The following ADAMTS17 variants were observed in gnomAD, a reference collection of about 807,000 sequenced individuals.
ADAMTS17 encodes the protein ADAM metallopeptidase with thrombospondin type 1 motif 17.
A neutral mutation model predicts 141.5 loss-of-function variants in ADAMTS17; 113 were observed. The observed-to-expected ratio is 0.80, with a 90% CI of 0.69 to 0.93. ADAMTS17 has a LOEUF of 0.93. ADAMTS17 is among the 40% of genes least tolerant of loss of function. ADAMTS17 has a pLI of 0.00. For missense variants in ADAMTS17, 1,659 were observed against 1,517.9 expected (o/e 1.09, Z -1.54); for synonymous variants, 768 against 630.6 (o/e 1.22, Z -3.27).
chr15:100,182,198 C>T (rs1350878013), intron 8 of ADAMTS17, among the ~76,000 whole-genome samples: 1 of 152,188 alleles, frequency 6.6e-6, no homozygotes, highest in East Asian at 1.9e-4. Flanking sequence ...AGGAAACTTA[C>T]AATCATGGCC....
intron 7 of ADAMTS17, among the ~76,000 whole-genome samples, chr15:100,217,371 C>T (rs531831949): frequency 1.4e-4 from 22 of 152,190 alleles, no homozygotes; most frequent in Non-Finnish European, 7.4e-5. Context: ...ACAAGGCAGG[C>T]GGACCACCTG....
chr15:100,238,330 GTACTTAC>G (rs2042722419), intron 7 of ADAMTS17, among the ~76,000 whole-genome samples: 1 of 152,202 alleles, frequency 6.6e-6, no homozygotes, highest in Admixed American at 6.5e-5. Flanking sequence ...ACTCTAGAGT[GTACTTAC>G]TGACTTCACA....
At chr15:100,312,518 T>G (rs1166151194) in intron 3 of ADAMTS17, among the ~76,000 whole-genome samples, 3 of 152,242 alleles carry the variant, frequency 2.0e-5, no homozygotes, top group Non-Finnish European at 4.4e-5. Flanking sequence ...TTTACAACAC[T>G]AAGTTTGTGG....
At position 100,096,460 on chromosome 15, in the gene ADAMTS17, C is replaced by T. The variant is rs777693760; in HGVS notation, c.2033G>A (p.Gly678Asp). 1.2e-6 allele frequency: 2 copies of T among 1,614,130 alleles called. No homozygotes were observed. Among genetic ancestry groups the T allele is most frequent in the Non-Finnish European group, 1.7e-6 (2 of 1,180,032 alleles). ...CTCTTTGGCTGCAGACCCGATGATG[C>T]CGTCACAGCCGATTTTCTAAAGAAC... Reference protein sequence around the residue: ...HGKCQKIGCDGIIGSAAKEDR... With the variant: ...HGKCQKIGCDDIIGSAAKEDR... The change falls in exon 15 of 22, where the codon GGC (glycine) becomes GAC (aspartate). Residue 678 changes from glycine (G) to aspartate (D), a missense_variant. By Grantham distance (94) the Gly-to-Asp change is moderately conservative (BLOSUM62 -1). Coordinates refer to ENST00000268070, the MANE Select transcript of ADAMTS17 (RefSeq NM_139057.4).
intron 18 of ADAMTS17, 151 bp downstream of exon 18, chr15:100,048,706 G>T: frequency 3.5e-6 from 4 of 1,130,388 alleles, no homozygotes; most frequent in Non-Finnish European, 4.9e-6. Flanking sequence ...CTGGAAATTT[G>T]GTAATTTGAG....
At chr15:100,205,783 A>G (rs1288031288) in intron 7 of ADAMTS17, among the ~76,000 whole-genome samples, 1 of 152,254 alleles carries the variant, frequency 6.6e-6, no homozygotes, top group Non-Finnish European at 1.5e-5. Context: ...TAGGGGAAGC[A>G]GCCTCCAGGC....
At chr15:100,297,675 G>T (rs563892716) in intron 3 of ADAMTS17, among the ~76,000 whole-genome samples, 1 of 152,278 alleles carries the variant, frequency 6.6e-6, no homozygotes, top group East Asian at 1.9e-4. Context: ...TGAGTTTCAG[G>T]TGCTTTAGAA....
chr15:100,219,106 T>C (rs556028320), intron 7 of ADAMTS17, among the ~76,000 whole-genome samples: 1 of 152,278 alleles, frequency 6.6e-6, no homozygotes, highest in African/African-American at 2.4e-5. Context: ...AAAGGCCACA[T>C]ATTGTATGAT....
At chr15:100,208,702 G>T (rs2041674769) in intron 7 of ADAMTS17, among the ~76,000 whole-genome samples, 1 of 152,170 alleles carries the variant, frequency 6.6e-6, no homozygotes, top group African/African-American at 2.4e-5. Context: ...TGTAAATTAT[G>T]CCTCAATTAT....
chr15:100,031,372 A>C (rs566674986), intron 18 of ADAMTS17, among the ~76,000 whole-genome samples: 3 of 152,360 alleles, frequency 2.0e-5, no homozygotes, highest in Admixed American at 2.0e-4. Context: ...GAGCAGGTAA[A>C]GGAAAGATTT....
chr15:100,171,497 C>A lies in ADAMTS17; in HGVS notation c.1182-16177G>T, dbSNP rs143303674. ...AGTGACACAAACCCTGACCCCTGCA[C>A]GCTCCCACAACATCCCTGTACCCCA... On this transcript the variant is annotated intron_variant, in intron 8 of 21. Coordinates refer to ENST00000268070, the MANE Select transcript of ADAMTS17 (RefSeq NM_139057.4). Among the ~76,000 whole-genome samples, 392 of 152,268 alleles carry A rather than the reference C, an allele frequency of 2.6e-3. 1 individual carries two copies. Among genetic ancestry groups the A allele is most frequent in the African/African-American group, 8.9e-3 (370 of 41,552 alleles).
intron 15 of ADAMTS17, among the ~76,000 whole-genome samples, chr15:100,091,682 C>A (rs1269716982): frequency 2.0e-5 from 3 of 152,204 alleles, no homozygotes; most frequent in Non-Finnish European, 4.4e-5. Context: ...GAGCATTAAC[C>A]ATCTTTGGAA....
At chr15:100,090,392 G>C (rs1473009250) in intron 15 of ADAMTS17, among the ~76,000 whole-genome samples, 1 of 152,186 alleles carries the variant, frequency 6.6e-6, no homozygotes, top group African/African-American at 2.4e-5. Flanking sequence ...CCTTGGCATT[G>C]GGATCACCGA....
At chr15:100,273,165 G>A (rs1348574721) in intron 4 of ADAMTS17, among the ~76,000 whole-genome samples, 1 of 152,068 alleles carries the variant, frequency 6.6e-6, no homozygotes, top group East Asian at 1.9e-4. Flanking sequence ...AGGGACTGTA[G>A]TTTTGTTTCT....
Position 100,132,059 on chromosome 15 carries a change from G to A in ADAMTS17, c.1669C>T (p.Arg557Ter), listed in dbSNP as rs1205219220. ...SPWGAWSMCS[R>*]TCGTGARFRQ... is the part of the protein sequence containing the mutation. ...AAGCGGGCTCCCGTCCCACATGTTC[G>A]GCTGCACATGCTCCAGGCGCCCCAC... is the stretch of plus-strand genomic sequence containing the variant. The change falls in exon 12 of 22, where the codon CGA (arginine) becomes TGA (stop). Residue 557 changes from arginine (R) to a stop codon, truncating the protein, a stop_gained. Transcript: ENST00000268070. LOFTEE classifies it high-confidence loss of function. 1.2e-6 allele frequency: 2 copies of A among 1,613,894 alleles called. No individual in the cohort carries two copies. Among genetic ancestry groups the A allele is most frequent in the Admixed American group, 1.7e-5 (1 of 60,018 alleles).
In ADAMTS17 at chr15:99,985,721, A is replaced by G. The variant is rs112692888; in HGVS notation, c.2949+7327T>C. 7.6e-3 allele frequency among the ~76,000 whole-genome samples: 1,161 copies of G among 152,344 alleles called. 8 individuals are homozygous for G. The highest frequency in any genetic ancestry group is 0.024 in the Middle Eastern group (7 of 294). ...TAGTTGTATGACTGTGAAGAAAGCC[A>G]TATCACCACTCTGAACCTCAGCTTG... is the stretch of plus-strand genomic sequence containing the variant. On this transcript the variant is annotated intron_variant, in intron 20 of 21. Transcript: ENST00000268070.
Position 99,974,370 on chromosome 15 carries a change from TCTGAG to T in ADAMTS17, c.*27_*31del. 1 of 1,613,658 alleles carries T rather than the reference TCTGAG, an allele frequency of 6.2e-7. No homozygotes were observed. Among genetic ancestry groups the T allele is most frequent in the Non-Finnish European group, 8.5e-7 (1 of 1,179,986 alleles). ...CGGGTGGGTGGGTTTCAGACCTGAG[TCTGAG>T]CTTTGAGCGACCCTTGGGACTGCGT... On this transcript the variant is annotated 3_prime_UTR_variant, in exon 22 of 22. Transcript: ENST00000268070.
chr15:100,082,676 TC>T (rs1395945039), intron 15 of ADAMTS17, among the ~76,000 whole-genome samples: 1 of 152,070 alleles, frequency 6.6e-6, no homozygotes, highest in Non-Finnish European at 1.5e-5. Context: ...GGCATTCTGT[TC>T]TTGTTTTGTG....
At chr15:100,105,880 G>C (rs984972361) in intron 14 of ADAMTS17, among the ~76,000 whole-genome samples, 1 of 152,044 alleles carries the variant, frequency 6.6e-6, no homozygotes, top group Non-Finnish European at 1.5e-5. Flanking sequence ...AGTACAGATG[G>C]AGTTTCACCA....
Sources: allele counts gnomAD v4.1 joint callset (sites outside exome capture counted in the v4.1 genomes callset), GRCh38; gene constraint gnomAD v4.1.1; transcripts MANE v1.5; gene names NCBI Gene and HGNC (gene_info 2026-07-23, HGNC 2026-07-21).